The following PTPN14 variants were observed in gnomAD, a reference collection of about 807,000 sequenced individuals.
PTPN14 encodes the protein tyrosine-protein phosphatase non-receptor type 14.
A neutral mutation model predicts 126.8 loss-of-function variants in PTPN14; 53 were observed. That is an observed-to-expected ratio of 0.42 (90% confidence interval 0.34 to 0.53). The LOEUF is 0.53. PTPN14 is among the 20% of genes least tolerant of loss of function. PTPN14 has a pLI of 0.08. For missense variants in PTPN14, 1,257 were observed against 1,552.9 expected (o/e 0.81, Z 3.20); for synonymous variants, 630 against 599.3 (o/e 1.05, Z -0.75).
At chr1:214,470,396 G>A (rs1037188745) in intron 1 of PTPN14, among the ~76,000 whole-genome samples, 11 of 151,632 alleles carry the variant, frequency 7.3e-5, no homozygotes, top group Non-Finnish European at 1.5e-4. Context: ...TTTCCTAGGC[G>A]CATCTTATAA....
Position 214,487,837 on chromosome 1 carries a change from T to G in PTPN14, c.-154-22880A>C, listed in dbSNP as rs78484015. Among the ~76,000 whole-genome samples, 228 of 152,152 alleles carry G rather than the reference T, an allele frequency of 1.5e-3. 1 individual carries two copies. The highest frequency in any genetic ancestry group is 5.3e-3 in the African/African-American group (220 of 41,486). ...CTCTAACACACCTGGGAAGAAGAGGTAGATGCTGTCCATATGATCTTGGGC... is the reference window on the plus strand; with the variant it reads ...CTCTAACACACCTGGGAAGAAGAGGGAGATGCTGTCCATATGATCTTGGGC... On this transcript the variant is annotated intron_variant, in intron 1 of 18. Coordinates refer to ENST00000366956, the MANE Select transcript of PTPN14 (RefSeq NM_005401.5).
At chr1:214,498,695 A>G (rs1654606994) in intron 1 of PTPN14, among the ~76,000 whole-genome samples, 1 of 152,232 alleles carries the variant, frequency 6.6e-6, no homozygotes, top group Admixed American at 6.5e-5. Flanking sequence ...ACACGGCACC[A>G]CAATATATTG....
intron 1 of PTPN14, among the ~76,000 whole-genome samples, chr1:214,517,252 C>A (rs751751727): frequency 2.6e-4 from 40 of 152,148 alleles, no homozygotes; most frequent in Non-Finnish European, 5.6e-4. Context: ...AAAATTTCCA[C>A]ATAAACAAAC....
chr1:214,372,642 C>T, intron 16 of PTPN14, 69 bp downstream of exon 16: 9 of 1,608,608 alleles, frequency 5.6e-6, no homozygotes, highest in Non-Finnish European at 7.6e-6. Context: ...AAGTTGACAG[C>T]ACAAAGCCCA....
chr1:214,386,733 G>C, intron 12 of PTPN14, 111 bp downstream of exon 12: 1 of 1,146,056 alleles, frequency 8.7e-7, no homozygotes, highest in Admixed American at 2.1e-5. Flanking sequence ...TTCAGACGAT[G>C]ACAAAGTTGA....
At chr1:214,466,279 T>A (rs1191435781) in intron 1 of PTPN14, among the ~76,000 whole-genome samples, 1 of 151,986 alleles carries the variant, frequency 6.6e-6, no homozygotes, top group Non-Finnish European at 1.5e-5. Context: ...TCCTTTTTTT[T>A]TTTTCTTTAA....
At chr1:214,540,301 A>T (rs1655805221) in intron 1 of PTPN14, among the ~76,000 whole-genome samples, 1 of 152,182 alleles carries the variant, frequency 6.6e-6, no homozygotes, top group Non-Finnish European at 1.5e-5. Flanking sequence ...CAAAATGTAT[A>T]ATGCAAAAGA....
chr1:214,498,649 C>A (rs1654606169), intron 1 of PTPN14, among the ~76,000 whole-genome samples: 1 of 152,088 alleles, frequency 6.6e-6, no homozygotes, highest in African/African-American at 2.4e-5. Context: ...TCTCAATTTC[C>A]CATCCACAAG....
At chr1:214,510,888 T>G (rs1233337849) in intron 1 of PTPN14, among the ~76,000 whole-genome samples, 6 of 152,156 alleles carry the variant, frequency 3.9e-5, no homozygotes, top group African/African-American at 7.2e-5. Flanking sequence ...GTTTTGTTTT[T>G]TTTTTAAGAG....
intron 3 of PTPN14, among the ~76,000 whole-genome samples, chr1:214,428,544 C>T (rs1659720591): frequency 6.6e-6 from 1 of 152,176 alleles, no homozygotes; most frequent in African/African-American, 2.4e-5. Flanking sequence ...TCTTCTTCCT[C>T]TTCCTTGTCC....
chr1:214,357,839 G>T lies in PTPN14; in HGVS notation c.*83C>A, dbSNP rs550180961. ...TGCTGCCAGCCACCTGCACCCCTGT[G>T]GGGGGAGCAGATGTTGTCTGGAGGT... On this transcript the variant is annotated 3_prime_UTR_variant, in exon 19 of 19. Coordinates refer to ENST00000366956, the MANE Select transcript of PTPN14 (RefSeq NM_005401.5). 62 of 1,309,210 alleles carry T rather than the reference G, an allele frequency of 4.7e-5. No homozygotes were observed. Among genetic ancestry groups the T allele is most frequent in the Admixed American group, 7.5e-5 (4 of 53,512 alleles). The allele number at this position is 1,309,210 out of a possible 1,614,324, so 81.1% of individuals were successfully genotyped here.
chr1:214,527,756 G>A (rs12128203), intron 1 of PTPN14, among the ~76,000 whole-genome samples: 56,667 of 152,034 alleles, frequency 0.37, 14,326 homozygotes, highest in African/African-American at 0.71. Flanking sequence ...AGAAAAATCT[G>A]TAAGGTGGTA....
At chr1:214,433,712 C>T (rs966236554) in intron 3 of PTPN14, among the ~76,000 whole-genome samples, 2 of 151,882 alleles carry the variant, frequency 1.3e-5, no homozygotes, top group East Asian at 1.9e-4. Flanking sequence ...AATATATAAA[C>T]GAATGAATGA....
chr1:214,545,453 TC>T (rs1655946766), intron 1 of PTPN14, among the ~76,000 whole-genome samples: 1 of 152,148 alleles, frequency 6.6e-6, no homozygotes, highest in African/African-American at 2.4e-5. Flanking sequence ...ATTAATCCCT[TC>T]ATGAAGGCTC....
At position 214,393,770 on chromosome 1, in the gene PTPN14, A is replaced by G. The variant is rs1270799193; in HGVS notation, c.854T>C (p.Ile285Thr). The G allele has an allele frequency of 6.3e-7, 1 of 1,592,500 alleles. No individual in the cohort carries two copies. Among genetic ancestry groups the G allele is most frequent in the South Asian group, 1.1e-5 (1 of 90,562 alleles). ...CCGAGAAATATACTTGGCATTTTCG[A>G]TATCATCCTTGGAAAAGAAGAGACA... ...EETALFHTDD[I>T]ENAKYISRLF... Residue 285 changes from isoleucine to threonine, a missense_variant, in exon 10 of 19, where the codon ATC becomes ACC. Ile to Thr is a moderately conservative substitution (Grantham distance 89, BLOSUM62 -1). This residue lies in a region of PTPN14 where 1,021 missense variants were observed against 1,183.3 expected (regional missense o/e 0.86). Coordinates refer to ENST00000366956, the MANE Select transcript of PTPN14 (RefSeq NM_005401.5).
At chr1:214,404,638 C>T (rs1659119784) in intron 5 of PTPN14, among the ~76,000 whole-genome samples, 1 of 152,194 alleles carries the variant, frequency 6.6e-6, no homozygotes, top group Non-Finnish European at 1.5e-5. Flanking sequence ...ACTTAACCGC[C>T]TCCATCTGCA....
chr1:214,432,576 A>G (rs1256041284), intron 3 of PTPN14, among the ~76,000 whole-genome samples: 2 of 152,246 alleles, frequency 1.3e-5, no homozygotes, highest in Admixed American at 1.3e-4. Flanking sequence ...TGTCCTTTGT[A>G]GAATGGGTAA....
rs1657655293 is a variant in PTPN14 at position 214,349,080 on chromosome 1, T to A, written c.*8842A>T. On this transcript the variant is annotated 3_prime_UTR_variant, in exon 19 of 19. Transcript: ENST00000366956. ...TGACATGAATAGTGATAAAAATCACTCCCCAGCTTAGGGAATGTCCTATAA... is the reference window on the plus strand; with the variant it reads ...TGACATGAATAGTGATAAAAATCACACCCCAGCTTAGGGAATGTCCTATAA... 6.6e-6 allele frequency: 1 copy of A among 152,180 alleles called. No homozygotes were observed. The highest frequency in any genetic ancestry group is 1.5e-5 in the Non-Finnish European group (1 of 68,036). The allele number at this position is 152,180 out of a possible 1,614,324, so 9.4% of individuals were successfully genotyped here. A position where few individuals can be genotyped will look rare whatever the true frequency, so the allele number is the denominator to read the frequency against.
At position 214,383,898 on chromosome 1, in the gene PTPN14, T is replaced by C; in HGVS notation, c.1957A>G (p.Met653Val). 6.2e-7 allele frequency: 1 copy of C among 1,613,392 alleles called. No homozygotes were observed. The highest frequency in any genetic ancestry group is 8.5e-7 in the Non-Finnish European group (1 of 1,180,010). The change falls in exon 13 of 19, where the codon ATG becomes GTG. Residue 653 changes from methionine to valine, a missense_variant. Physicochemically the swap from Met to Val is conservative, Grantham distance 21. Around this residue, in one of 3 missense-constraint regions of PTPN14, gnomAD observed 1,021 missense variants for 1,183.3 expected, o/e 0.86. Coordinates refer to ENST00000366956, the MANE Select transcript of PTPN14 (RefSeq NM_005401.5). The surrounding 1 kb of genome is among the most constrained non-coding windows in gnomAD (Gnocchi z 4.4). ...LEVMNSMVRG[M>V]EAMTLKSLHL... ...AGCGACTTGAGCGTCATGGCCTCCA[T>C]GCCCCGCACCATGCTGTTCATCACC...
Sources: allele counts gnomAD v4.1 joint callset (sites outside exome capture counted in the v4.1 genomes callset), GRCh38; gene constraint gnomAD v4.1.1; regional missense constraint gnomAD v4.1.1; non-coding constraint Gnocchi (gnomAD v3.1); transcripts MANE v1.5; gene names NCBI Gene and HGNC (gene_info 2026-07-23, HGNC 2026-07-21).